The following FOCAD variants were observed in gnomAD, a reference collection of about 807,000 sequenced individuals.
The protein encoded by FOCAD is KIAA1797.
In FOCAD, 198 loss-of-function variants were observed where a neutral mutation model predicts 225.6. The ratio of observed to expected loss-of-function variants is 0.88; its 90% confidence interval spans 0.78 to 0.99. The LOEUF is 0.99. Ranked by LOEUF, FOCAD falls within the 50% of genes least tolerant of loss-of-function variation. The pLI, the probability that FOCAD is intolerant of heterozygous loss-of-function variation, is 0.00. For synonymous variants in FOCAD, 897 were observed against 755.0 expected, an observed-to-expected ratio of 1.19 and a Z score of -3.08; for missense variants, 2,713 against 2,123.6, an observed-to-expected ratio of 1.28 and a Z score of -5.46.
At chr9:20,734,992 G>T (rs1456841787) in intron 4 of FOCAD, among the ~76,000 whole-genome samples, 4 of 152,068 alleles carry the variant, frequency 2.6e-5, no homozygotes, top group Admixed American at 6.6e-5. Context: ...GGGAAAAGGG[G>T]TATAAAATTT....
At chr9:20,696,412 T>C (rs1054567631) in intron 1 of FOCAD, among the ~76,000 whole-genome samples, 13 of 152,362 alleles carry the variant, frequency 8.5e-5, no homozygotes, top group Middle Eastern at 3.4e-3. Context: ...TGTATACATA[T>C]ATCAAAACAT....
chr9:20,691,637 A>G (rs753129904), intron 1 of FOCAD, among the ~76,000 whole-genome samples: 1 of 151,020 alleles, frequency 6.6e-6, no homozygotes, highest in African/African-American at 2.4e-5. Context: ...GCCCGCCACC[A>G]TGCCCAGATA....
At chr9:20,765,193 A>G in intron 7 of FOCAD, 120 bp downstream of exon 7, 1 of 784,176 alleles carries the variant, frequency 1.3e-6, no homozygotes, top group Non-Finnish European at 2.0e-6. Context: ...TCCTCGCTCT[A>G]GAAATGCTTA....
At chr9:20,995,003 G>A (rs1166133085) in intron 43 of FOCAD, among the ~76,000 whole-genome samples, 1 of 151,930 alleles carries the variant, frequency 6.6e-6, no homozygotes, top group African/African-American at 2.4e-5. Context: ...CTTAAAGGAA[G>A]TACACAGAAC....
chr9:20,908,320 A>T (rs1204753821), intron 22 of FOCAD, among the ~76,000 whole-genome samples: 4 of 152,024 alleles, frequency 2.6e-5, no homozygotes, highest in African/African-American at 9.7e-5. Context: ...AGAGTGGGGC[A>T]TAGGATGGGG....
chr9:20,821,159 A>G, intron 14 of FOCAD, 88 bp downstream of exon 14: 2 of 1,315,762 alleles, frequency 1.5e-6, no homozygotes, highest in East Asian at 2.6e-5. Context: ...GCAAGAAAAG[A>G]TAGGCAGAGG....
chr9:20,986,167 A>G (rs1292336596), intron 39 of FOCAD, 121 bp from the exon 40 acceptor site: 1 of 932,328 alleles, frequency 1.1e-6, no homozygotes, highest in Non-Finnish European at 1.5e-6. Context: ...CATGTGCTGC[A>G]GGAAATGAAC....
At chr9:20,834,514 T>G (rs1381778702) in intron 15 of FOCAD, among the ~76,000 whole-genome samples, 3 of 152,068 alleles carry the variant, frequency 2.0e-5, no homozygotes, top group Non-Finnish European at 2.9e-5. Context: ...AAACAAATCG[T>G]TGTGTATTTG....
chr9:20,981,774 A>C (rs1660513709), intron 38 of FOCAD, 88 bp downstream of exon 38: 4 of 1,421,846 alleles, frequency 2.8e-6, no homozygotes, highest in South Asian at 1.4e-5. Context: ...TGTATGTTTT[A>C]AGAATGTGGG....
rs1245924001 is a variant in FOCAD at position 20,665,707 on chromosome 9, T to C, written c.-78+6881T>C. Among the ~76,000 whole-genome samples the C allele has an allele frequency of 2.0e-5, 3 of 152,084 alleles. No homozygotes were observed. In the East Asian group the frequency reaches 5.8e-4, roughly 29 times the overall value. The stretch of plus-strand genomic sequence containing the variant: ...GATGTTTGCTTTTCCCGGGTTTTAA[T>C]CTCTTGTTACCCAGAATATAATTGA... On this transcript the variant is annotated intron_variant, in intron 2 of 45. Transcript: ENST00000380249.
chr9:20,768,554 G>T (rs1490016593), intron 7 of FOCAD, among the ~76,000 whole-genome samples: 1 of 151,868 alleles, frequency 6.6e-6, no homozygotes, highest in African/African-American at 2.4e-5. Context: ...TCCCTTGTAA[G>T]TTGGATTCCT....
At chr9:20,714,616 C>T (rs938935300) in intron 1 of FOCAD, among the ~76,000 whole-genome samples, 45 of 102,882 alleles carry the variant, frequency 4.4e-4, no homozygotes, top group African/African-American at 1.8e-3. Flanking sequence ...GCCTGCCTGC[C>T]TGCCTGCCTG....
intron 5 of FOCAD, among the ~76,000 whole-genome samples, chr9:20,756,634 G>A (rs993203586): frequency 1.2e-4 from 18 of 152,144 alleles, no homozygotes; most frequent in African/African-American, 3.9e-4. Context: ...CTGCTTTATA[G>A]CAGTGCATCA....
intron 29 of FOCAD, among the ~76,000 whole-genome samples, chr9:20,945,144 G>T (rs1353867308): frequency 6.6e-6 from 1 of 152,230 alleles, no homozygotes. Flanking sequence ...TTCAGAAACT[G>T]CTGATCAAAA....
chr9:20,723,115 G>A (rs981817775), intron 4 of FOCAD, among the ~76,000 whole-genome samples: 1 of 152,166 alleles, frequency 6.6e-6, no homozygotes, highest in African/African-American at 2.4e-5. Context: ...CAAAGTATAA[G>A]CTTTGCAGAT....
chr9:20,828,353 T>G (rs1825127742), intron 15 of FOCAD, among the ~76,000 whole-genome samples: 1 of 152,024 alleles, frequency 6.6e-6, no homozygotes, highest in South Asian at 2.1e-4. Flanking sequence ...ACATTGGGAT[T>G]GTTTCTATTT....
chr9:20,793,548 A>G (rs533735454), intron 11 of FOCAD, among the ~76,000 whole-genome samples: 3 of 152,272 alleles, frequency 2.0e-5, no homozygotes, highest in East Asian at 3.9e-4. Flanking sequence ...TTTCAGTTCA[A>G]CCCCTACCAC....
chr9:20,823,164 A>G, intron 15 of FOCAD, 49 bp downstream of exon 15: 1 of 1,563,882 alleles, frequency 6.4e-7, no homozygotes, highest in Non-Finnish European at 8.7e-7. Context: ...AATCTTTTAT[A>G]AGGCAGAGTG....
At chr9:20,952,545 G>T (rs1345945995) in intron 34 of FOCAD, 1 of 188,450 alleles carries the variant, frequency 5.3e-6, no homozygotes, top group African/African-American at 2.4e-5. Flanking sequence ...AGTACTAGTT[G>T]TTGAATTTCT....
Sources: gnomAD v4.1 joint callset for allele counts (sites outside exome capture counted in the v4.1 genomes callset) on GRCh38, gnomAD v4.1.1 for gene constraint, MANE v1.5 for transcripts, NCBI Gene and HGNC (gene_info 2026-07-23, HGNC 2026-07-21) for gene names.